The following OGFOD1 variants were observed in gnomAD, a reference collection of about 807,000 sequenced individuals.
OGFOD1 encodes prolyl 3-hydroxylase OGFOD1.
OGFOD1 carries 54 observed loss-of-function variants against 67.7 expected under a neutral mutation model. The ratio of observed to expected loss-of-function variants is 0.80; its 90% CI spans 0.64 to 1.00. The LOEUF is 1.00. OGFOD1 is among the 50% of genes least tolerant of loss of function. The pLI is 0.00. For synonymous variants in OGFOD1, 221 were observed against 227.0 expected (o/e 0.97, Z 0.24); for missense variants, 606 against 646.7 (o/e 0.94, Z 0.68).
At position 56,470,116 on chromosome 16, in the gene OGFOD1, A is replaced by G; in HGVS notation, c.980+34A>G. The stretch of plus-strand genomic sequence containing the variant: ...CGTCATCTGAGATATTTGCTTCTAC[A>G]TTCAGCACCTATAACATTTTTTTAT... On this transcript the variant is annotated intron_variant, in intron 9 of 12. Coordinates refer to ENST00000566157, the MANE Select transcript of OGFOD1 (RefSeq NM_018233.4). The G allele has an allele frequency of 4.5e-6, 7 of 1,567,826 alleles. 1 individual carries two copies. In the Admixed American group the frequency reaches 8.4e-5, roughly 19 times the overall value.
chr16:56,478,801 G>C lies in OGFOD1; in HGVS notation c.*2596G>C, dbSNP rs1963586148. On this transcript the variant is annotated 3_prime_UTR_variant, in exon 13 of 13. Transcript: ENST00000566157. ...TTTATACACTACAAAAAGGGACTCG[G>C]GTGTCTGAGGGGAGAGAATCCCTAG... The C allele has an allele frequency of 6.6e-6, 1 of 152,140 alleles. No homozygotes were observed. Among genetic ancestry groups the C allele is most frequent in the Non-Finnish European group, 1.5e-5 (1 of 68,030 alleles). 9.4% of individuals were successfully genotyped at this position (152,140 alleles called of 1,614,324 possible).
chr16:56,467,565 T>TA (rs1224057562), intron 7 of OGFOD1, among the ~76,000 whole-genome samples: 19 of 151,994 alleles, frequency 1.3e-4, no homozygotes, highest in Admixed American at 1.2e-3. Flanking sequence ...TAGCTGGGCT[T>TA]ACAGGTGCCC....
chr16:56,476,435 A>T lies in OGFOD1; in HGVS notation c.*230A>T. On this transcript the variant is annotated 3_prime_UTR_variant, in exon 13 of 13. Transcript: ENST00000566157. ...AAAAAAGTTGGCTTTTTTTTTTTTAACATTTAGTCCTTTTTCCATATTGGC... is the reference window on the plus strand; with the variant it reads ...AAAAAAGTTGGCTTTTTTTTTTTTATCATTTAGTCCTTTTTCCATATTGGC... The T allele has an allele frequency of 2.8e-6, 1 of 353,192 alleles. No individual in the cohort carries two copies. 21.9% of individuals were successfully genotyped at this position (353,192 alleles called of 1,614,324 possible). A position where few individuals can be genotyped will look rare whatever the true frequency, so the allele number is the denominator to read the frequency against.
At position 56,477,741 on chromosome 16, in the gene OGFOD1, A is replaced by AT. The variant is rs1375194738; in HGVS notation, c.*1539dup. 1.3e-5 allele frequency: 2 copies of AT among 151,812 alleles called. No individual in the cohort carries two copies. The highest frequency in any genetic ancestry group is 2.9e-5 in the Non-Finnish European group (2 of 67,958). The allele number at this position is 151,812 out of a possible 1,614,324, so 9.4% of individuals were successfully genotyped here. On this transcript the variant is annotated 3_prime_UTR_variant, in exon 13 of 13. Transcript: ENST00000566157. ...CTTCTGTTTCCTTTCTCTTTTTTACATTTATTTTTAGCTTTTGCAGTAGTG... is the reference window on the plus strand; with the variant it reads ...CTTCTGTTTCCTTTCTCTTTTTTACATTTTATTTTTAGCTTTTGCAGTAGTG...
chr16:56,451,828 C>T, intron 1 of OGFOD1, 62 bp downstream of exon 1: 2 of 1,565,846 alleles, frequency 1.3e-6, no homozygotes, highest in South Asian at 1.2e-5. Flanking sequence ...TGAAAAAGCC[C>T]TGGGACTCGC....
At chr16:56,453,980 AG>A (rs1962426043) in intron 2 of OGFOD1, among the ~76,000 whole-genome samples, 7 of 152,222 alleles carry the variant, frequency 4.6e-5, no homozygotes, top group Admixed American at 4.6e-4. Context: ...TTATAAACAA[AG>A]GGGTTAAGTA....
rs1328672196 is a variant in OGFOD1 at position 56,470,584 on chromosome 16, T to G, written c.1078T>G (p.Phe360Val). 3.1e-6 allele frequency: 5 copies of G among 1,614,204 alleles called. No homozygotes were observed. Among genetic ancestry groups the G allele is most frequent in the Non-Finnish European group, 3.4e-6 (4 of 1,180,030 alleles). Residue 360 changes from phenylalanine (F) to valine (V), a missense_variant, in exon 10 of 13, where the codon TTC (phenylalanine) becomes GTC (valine). Physicochemically the swap from Phe to Val is conservative, Grantham distance 50. Coordinates refer to ENST00000566157, the MANE Select transcript of OGFOD1 (RefSeq NM_018233.4). ...GGCACTATTCTTGCTGCTCTCCAAC[T>G]TCACAGGCCTGAAGCTTCATTTCTT... ...SEALFLLLSNFTGLKLHFLAP... is the reference protein window; with the variant it reads ...SEALFLLLSNVTGLKLHFLAP...
intron 2 of OGFOD1, among the ~76,000 whole-genome samples, chr16:56,456,458 A>G (rs1323529963): frequency 1.3e-5 from 2 of 152,158 alleles, no homozygotes; most frequent in African/African-American, 4.8e-5. Flanking sequence ...AATCTGCTCC[A>G]CCTGCAGTTT....
At chr16:56,454,128 G>T (rs1385894652) in intron 2 of OGFOD1, among the ~76,000 whole-genome samples, 1 of 151,950 alleles carries the variant, frequency 6.6e-6, no homozygotes, top group Non-Finnish European at 1.5e-5. Flanking sequence ...CGGGTAGATC[G>T]CCTGAGGTCA....
chr16:56,453,030 C>T (rs1369262896), intron 1 of OGFOD1, among the ~76,000 whole-genome samples: 1 of 152,164 alleles, frequency 6.6e-6, no homozygotes, highest in Admixed American at 6.5e-5. Context: ...TTAGTGACAT[C>T]ACCCATCACT....
chr16:56,475,963 A>AC, intron 12 of OGFOD1, 81 bp from the exon 13 acceptor site: 1 of 1,284,608 alleles, frequency 7.8e-7, no homozygotes, highest in South Asian at 1.4e-5. Context: ...TGATATGGAA[A>AC]CCATCTGTTC....
chr16:56,461,639 G>C (rs1422800135), intron 3 of OGFOD1, among the ~76,000 whole-genome samples: 2 of 152,156 alleles, frequency 1.3e-5, no homozygotes, highest in African/African-American at 2.4e-5. Flanking sequence ...GGGCACACTG[G>C]GGGCAGTCTC....
At chr16:56,468,248 A>AC (rs1179652913) in intron 8 of OGFOD1, among the ~76,000 whole-genome samples, 2 of 152,178 alleles carry the variant, frequency 1.3e-5, no homozygotes, top group African/African-American at 4.8e-5. Context: ...CTAGAGTCTT[A>AC]AACACACACA....
intron 9 of OGFOD1, 109 bp from the exon 10 acceptor site, chr16:56,470,378 C>A (rs778937913): frequency 9.7e-7 from 1 of 1,029,446 alleles, no homozygotes; most frequent in Non-Finnish European, 1.4e-6. Context: ...CCTTAGTAAG[C>A]TGTGCCAAGA....
At chr16:56,463,720 AT>A (rs59952507) in intron 4 of OGFOD1, among the ~76,000 whole-genome samples, 7,174 of 140,518 alleles carry the variant, frequency 0.051, 223 homozygotes, top group East Asian at 0.17. Flanking sequence ...CCATGCCAGT[AT>A]TTTTTTTTTT....
In OGFOD1 at chr16:56,474,809, T is replaced by C. The variant is rs778116089; in HGVS notation, c.1286-19T>C. ...CAAGGTTATTTTTTAAAGTTTCTCA[T>C]CTTTTTTTTTTTCCTTAGAATCAAG... On this transcript the variant is annotated intron_variant, in intron 10 of 12. Coordinates refer to ENST00000566157, the MANE Select transcript of OGFOD1 (RefSeq NM_018233.4). 5.4e-5 allele frequency: 85 copies of C among 1,578,390 alleles called. No homozygotes were observed. The highest frequency in any genetic ancestry group is 7.1e-5 in the Non-Finnish European group (83 of 1,163,064).
chr16:56,460,428 G>A (rs1425427049), intron 3 of OGFOD1, among the ~76,000 whole-genome samples: 1 of 152,238 alleles, frequency 6.6e-6, no homozygotes, highest in Non-Finnish European at 1.5e-5. Flanking sequence ...AATGTTACCA[G>A]TAAAGGATTT....
intron 2 of OGFOD1, chr16:56,458,085 T>G (rs1962587194): frequency 1.1e-5 from 2 of 184,272 alleles, no homozygotes; most frequent in Non-Finnish European, 2.3e-5. Flanking sequence ...CCTTGAATGC[T>G]TTGTGCCTTG....
chr16:56,475,295 T>C (rs763812502), intron 11 of OGFOD1, among the ~76,000 whole-genome samples: 12 of 152,232 alleles, frequency 7.9e-5, no homozygotes, highest in Non-Finnish European at 1.5e-4. Context: ...TAAGACTGCA[T>C]TTCAGTTCAG....
Sources: gnomAD v4.1 joint callset for allele counts (sites outside exome capture counted in the v4.1 genomes callset) on GRCh38, gnomAD v4.1.1 for gene constraint, MANE v1.5 for transcripts, NCBI Gene and HGNC (gene_info 2026-07-23, HGNC 2026-07-21) for gene names.